TSHZ1: variants seen among roughly 807,000 people sequenced by gnomAD.
The protein encoded by TSHZ1 is teashirt homolog 1.
In TSHZ1, 12 loss-of-function variants were observed where a neutral mutation model predicts 67.1. The observed-to-expected ratio is 0.18, with a 90% CI of 0.11 to 0.29. TSHZ1 has a LOEUF of 0.29. TSHZ1 is among the 10% of genes least tolerant of loss of function. The pLI is 1.00. For synonymous variants in TSHZ1, 632 were observed against 622.4 expected, an observed-to-expected ratio of 1.02 and a Z score of -0.23; for missense variants, 1,305 against 1,413.9, an observed-to-expected ratio of 0.92 and a Z score of 1.23.
At chr18:75,217,304 A>G (rs1040258155) in intron 1 of TSHZ1, among the ~76,000 whole-genome samples, 70 of 152,284 alleles carry the variant, frequency 4.6e-4, no homozygotes, top group African/African-American at 1.7e-3. Context: ...TCTTTTAGGA[A>G]GACAACAACT....
Position 75,287,250 on chromosome 18 carries a change from G to C in TSHZ1, c.1843G>C (p.Ala615Pro). The C allele has an allele frequency of 6.2e-7, 1 of 1,613,938 alleles. No homozygotes were observed. Among genetic ancestry groups the C allele is most frequent in the Non-Finnish European group, 8.5e-7 (1 of 1,179,964 alleles). ...YAGGVKSLSS[A>P]EHNALLHSPG... ...TGGCGGCGTGAAGTCGCTGTCTTCC[G>C]CCGAGCACAACGCCCTCCTGCACTC... is the stretch of plus-strand genomic sequence containing the variant. Residue 615 changes from alanine to proline, a missense_variant, in exon 2 of 2, where the codon GCC (alanine) becomes CCC (proline). Around this residue, in one of 3 missense-constraint regions of TSHZ1, gnomAD observed 909 missense variants for 961.8 expected, o/e 0.95. Transcript: ENST00000580243. The surrounding 1 kb of genome is among the most constrained non-coding windows in gnomAD (Gnocchi z 5.0).
At chr18:75,267,938 TAAG>T (rs908557210) in intron 1 of TSHZ1, among the ~76,000 whole-genome samples, 3 of 152,182 alleles carry the variant, frequency 2.0e-5, no homozygotes, top group Non-Finnish European at 2.9e-5. Context: ...TCAGCTTCCT[TAAG>T]AAGAAGTGGG....
chr18:75,227,651 C>T (rs1261034067), intron 1 of TSHZ1, among the ~76,000 whole-genome samples: 1 of 152,204 alleles, frequency 6.6e-6, no homozygotes, highest in African/African-American at 2.4e-5. Context: ...CTCTCATCCC[C>T]ACCCCTTTGT....
intron 1 of TSHZ1, among the ~76,000 whole-genome samples, chr18:75,242,504 A>G (rs1169525860): frequency 2.0e-5 from 3 of 152,274 alleles, no homozygotes; most frequent in African/African-American, 7.2e-5. Flanking sequence ...TGAGGTCAGT[A>G]AATAGGTGGA....
rs918185265 is a variant in TSHZ1 at position 75,281,500 on chromosome 18, C to A, written c.41-3948C>A. Among the ~76,000 whole-genome samples the A allele has an allele frequency of 2.0e-5, 3 of 152,146 alleles. No homozygotes were observed. Among genetic ancestry groups the A allele is most frequent in the African/African-American group, 7.2e-5 (3 of 41,432 alleles). ...TCCTTCCACGGGCCCTACATGGGGC[C>A]AGGCCCTGAAAGCACCATGGGGGTG... On this transcript the variant is annotated intron_variant, in intron 1 of 1. Coordinates refer to ENST00000580243, the MANE Select transcript of TSHZ1 (RefSeq NM_001308210.2). The surrounding 1 kb of genome is among the most constrained non-coding windows in gnomAD (Gnocchi z 5.3).
At chr18:75,268,949 A>G (rs1305600179) in intron 1 of TSHZ1, among the ~76,000 whole-genome samples, 1 of 152,112 alleles carries the variant, frequency 6.6e-6, no homozygotes, top group African/African-American at 2.4e-5. Context: ...TGTTGTTCCT[A>G]TTCACAGTCA....
chr18:75,276,520 A>G (rs918001475), intron 1 of TSHZ1, among the ~76,000 whole-genome samples: 2 of 152,210 alleles, frequency 1.3e-5, no homozygotes, highest in Non-Finnish European at 2.9e-5. Flanking sequence ...TGCTCTCTCC[A>G]TAACGAAGGT....
chr18:75,252,657 C>A (rs2023318503), intron 1 of TSHZ1, among the ~76,000 whole-genome samples: 1 of 151,922 alleles, frequency 6.6e-6, no homozygotes, highest in African/African-American at 2.4e-5. Context: ...TTTCTAAATG[C>A]CATTTATTTA....
At chr18:75,282,482 G>A (rs2023698613) in intron 1 of TSHZ1, among the ~76,000 whole-genome samples, 1 of 152,220 alleles carries the variant, frequency 6.6e-6, no homozygotes, top group Non-Finnish European at 1.5e-5. Context: ...TCATTCATAT[G>A]TGGAAGACCT....
chr18:75,279,734 C>T (rs1036320482), intron 1 of TSHZ1, among the ~76,000 whole-genome samples: 5 of 152,192 alleles, frequency 3.3e-5, no homozygotes, highest in African/African-American at 1.2e-4. Flanking sequence ...TCATTTTTAA[C>T]ATTAAAACAC....
At chr18:75,223,665 C>T (rs914685394) in intron 1 of TSHZ1, among the ~76,000 whole-genome samples, 62 of 151,946 alleles carry the variant, frequency 4.1e-4, no homozygotes, top group African/African-American at 1.5e-3. Context: ...TACCCCGCCT[C>T]TCTTGCTAGG....
intron 1 of TSHZ1, among the ~76,000 whole-genome samples, chr18:75,246,114 G>A (rs536218482): frequency 1.3e-5 from 2 of 152,326 alleles, no homozygotes; most frequent in South Asian, 4.1e-4. Context: ...TGCGCTTCAC[G>A]TTTTGCTTCT....
chr18:75,260,899 T>C (rs2023421993), intron 1 of TSHZ1, among the ~76,000 whole-genome samples: 1 of 152,150 alleles, frequency 6.6e-6, no homozygotes, highest in Admixed American at 6.5e-5. Context: ...GTTTTATACC[T>C]ACTCTCTTTA....
rs1435127249 is a variant in TSHZ1, at chr18:75,287,001, C to T, written c.1594C>T (p.Leu532=). 4.3e-6 allele frequency: 7 copies of T among 1,613,918 alleles called. No homozygotes were observed. Among genetic ancestry groups the T allele is most frequent in the Non-Finnish European group, 5.9e-6 (7 of 1,180,018 alleles). The change falls in exon 2 of 2, where the codon CTG becomes TTG. Residue 532 remains leucine, a synonymous_variant. Coordinates refer to ENST00000580243, the MANE Select transcript of TSHZ1 (RefSeq NM_001308210.2). The surrounding 1 kb of genome is among the most constrained non-coding windows in gnomAD (Gnocchi z 5.0). ...DSLEKFEPST[L]YPYLREEDLD... The stretch of plus-strand genomic sequence containing the variant: ...CTTGGAGAAATTTGAGCCCAGCACC[C>T]TGTACCCGTACCTGCGTGAGGAGGA...
At chr18:75,246,229 A>G (rs572263719) in intron 1 of TSHZ1, among the ~76,000 whole-genome samples, 3 of 152,348 alleles carry the variant, frequency 2.0e-5, no homozygotes, top group East Asian at 3.9e-4. Context: ...GGCCAGATGC[A>G]TGCACTGTTC....
intron 1 of TSHZ1, among the ~76,000 whole-genome samples, chr18:75,267,931 G>A (rs543018730): frequency 6.6e-6 from 1 of 152,308 alleles, no homozygotes; most frequent in South Asian, 2.1e-4. Context: ...CTCTGAGTCA[G>A]CTTCCTTAAG....
intron 1 of TSHZ1, among the ~76,000 whole-genome samples, chr18:75,250,569 G>A (rs2023288508): frequency 6.6e-6 from 1 of 152,218 alleles, no homozygotes. Flanking sequence ...AGGCGGTAGA[G>A]GGTCGGCTCA....
chr18:75,228,984 T>C (rs2022961230), intron 1 of TSHZ1, among the ~76,000 whole-genome samples: 1 of 152,286 alleles, frequency 6.6e-6, no homozygotes, highest in Non-Finnish European at 1.5e-5. Context: ...TAAGGCGTTT[T>C]ATTTGTTGCT....
chr18:75,267,155 A>G (rs2023498896), intron 1 of TSHZ1, among the ~76,000 whole-genome samples: 1 of 152,204 alleles, frequency 6.6e-6, no homozygotes, highest in African/African-American at 2.4e-5. Context: ...GATTACAGAA[A>G]TACTAAAATG....
Sources: gnomAD v4.1 joint callset for allele counts (sites outside exome capture counted in the v4.1 genomes callset) on GRCh38, gnomAD v4.1.1 for gene constraint, gnomAD v4.1.1 regional missense constraint, Gnocchi (gnomAD v3.1) non-coding constraint, MANE v1.5 for transcripts, NCBI Gene and HGNC (gene_info 2026-07-23, HGNC 2026-07-21) for gene names.